NINL: variants seen among roughly 807,000 people sequenced by gnomAD.
NINL encodes the protein ninein-like protein.
Under a neutral mutation model 160.3 loss-of-function variants are expected in NINL, and 153 were observed. The ratio of observed to expected loss-of-function variants is 0.95; its 90% confidence interval spans 0.84 to 1.09. The LOEUF is 1.09. NINL is among the 50% of genes least tolerant of loss of function. The probability of loss-of-function intolerance (pLI) is 0.00; values close to 1 mark genes in which losing one functional copy is unlikely to be tolerated. For synonymous variants in NINL, 800 were observed against 734.8 expected, an observed-to-expected ratio of 1.09 and a Z score of -1.43; for missense variants, 1,829 against 1,764.0, an observed-to-expected ratio of 1.04 and a Z score of -0.66.
intron 1 of NINL, among the ~76,000 whole-genome samples, chr20:25,542,413 T>A (rs576040380): frequency 5.3e-5 from 8 of 151,756 alleles, no homozygotes; most frequent in African/African-American, 1.9e-4. Context: ...ATCATACACA[T>A]CAGAGGAGAC....
chr20:25,453,316 T>C lies in NINL; in HGVS notation c.*135A>G, dbSNP rs2146246051. 2.7e-6 allele frequency: 2 copies of C among 743,062 alleles called. No homozygotes were observed. Among genetic ancestry groups the C allele is most frequent in the South Asian group, 2.2e-5 (1 of 45,700 alleles). 46.0% of individuals were successfully genotyped at this position (743,062 alleles called of 1,614,324 possible). On this transcript the variant is annotated 3_prime_UTR_variant, in exon 24 of 24. Transcript: ENST00000278886. Reference sequence around the variant, plus strand: ...CCCAGGGCAGACCATTCATTAACTATCTGCGGGGTGAACAAAGAATCCCAA... The same window carrying C: ...CCCAGGGCAGACCATTCATTAACTACCTGCGGGGTGAACAAAGAATCCCAA...
chr20:25,472,324 GATATATATAT>G (rs56260321), intron 17 of NINL, among the ~76,000 whole-genome samples: 3,888 of 83,878 alleles, frequency 0.046, 150 homozygotes, highest in African/African-American at 0.093. Flanking sequence ...GGGAGGAGAG[GATATATATAT>G]ATATATATAT....
intron 1 of NINL, among the ~76,000 whole-genome samples, chr20:25,575,723 C>T (rs1009491894): frequency 2.6e-5 from 4 of 151,770 alleles, no homozygotes; most frequent in African/African-American, 7.3e-5. Context: ...CCAGCCTGGG[C>T]GACAGAGCAA....
chr20:25,504,920 G>T lies in NINL; in HGVS notation c.676C>A (p.Gln226Lys). 1.2e-6 allele frequency: 2 copies of T among 1,612,046 alleles called. No individual in the cohort carries two copies. Among genetic ancestry groups the T allele is most frequent in the Non-Finnish European group, 1.7e-6 (2 of 1,179,960 alleles). The change falls in exon 6 of 24, where the codon CAG (glutamine) becomes AAG (lysine). Residue 226 changes from glutamine to lysine, a missense_variant. Physicochemically the swap from Gln to Lys is moderately conservative, Grantham distance 53. Transcript: ENST00000278886. ...TCGAGTCCCTGGAGCCCGACGCTCT[G>T]GCAGACCACAGCCAGCTCCTGCTCG... ...LSEQELAVVC[Q>K]SVGLQGLEKE...
chr20:25,454,048 T>G (rs1424213435), intron 23 of NINL, among the ~76,000 whole-genome samples: 1 of 151,754 alleles, frequency 6.6e-6, no homozygotes, highest in Non-Finnish European at 1.5e-5. Flanking sequence ...AGAGCAAGAC[T>G]CTGTCTCCAA....
intron 1 of NINL, among the ~76,000 whole-genome samples, chr20:25,550,178 C>T (rs1447421067): frequency 1.3e-5 from 2 of 152,186 alleles, no homozygotes; most frequent in Admixed American, 6.5e-5. Flanking sequence ...GCCAGGAGTT[C>T]GGGAACAGCC....
chr20:25,472,855 C>A (rs1446238979), intron 17 of NINL, among the ~76,000 whole-genome samples: 1 of 152,142 alleles, frequency 6.6e-6, no homozygotes, highest in African/African-American at 2.4e-5. Flanking sequence ...TATGCCTATA[C>A]CCACAACATA....
chr20:25,523,110 A>G (rs2064292797), intron 2 of NINL, among the ~76,000 whole-genome samples: 1 of 152,176 alleles, frequency 6.6e-6, no homozygotes, highest in South Asian at 2.1e-4. Flanking sequence ...TAGCCAATAC[A>G]ATGTAAATAC....
At chr20:25,558,794 C>G (rs966766645) in intron 1 of NINL, among the ~76,000 whole-genome samples, 1 of 152,204 alleles carries the variant, frequency 6.6e-6, no homozygotes, top group African/African-American at 2.4e-5. Flanking sequence ...GCACAGAGTA[C>G]CTGATAATAG....
intron 1 of NINL, among the ~76,000 whole-genome samples, chr20:25,559,903 C>CAT (rs2064913860): frequency 6.6e-6 from 1 of 151,774 alleles, no homozygotes; most frequent in Admixed American, 6.6e-5. Context: ...CAGCATGCCC[C>CAT]GCCTTGCATG....
At chr20:25,462,232 C>G (rs1336200513) in intron 20 of NINL, 151 bp downstream of exon 20, 1 of 666,958 alleles carries the variant, frequency 1.5e-6, no homozygotes, top group African/African-American at 1.8e-5. Flanking sequence ...TTTGCCAACA[C>G]AGCACAGTCC....
chr20:25,489,893 C>T lies in NINL; in HGVS notation c.1578G>A (p.Glu526=), dbSNP rs750680441. 5 of 1,614,172 alleles carry T rather than the reference C, an allele frequency of 3.1e-6. No individual in the cohort carries two copies. In the East Asian group the frequency reaches 1.1e-4, roughly 36 times the overall value. The change falls in exon 12 of 24, where the codon GAG becomes GAA. Residue 526 remains glutamate (E), a synonymous_variant. Coordinates refer to ENST00000278886, the MANE Select transcript of NINL (RefSeq NM_025176.6). The part of the protein sequence containing the change: ...RLALKLQKDL[E]FVLKDKLEPQ... ...GACTCGCCTTGTCCTTCAGCACAAA[C>T]TCCAGGTCCTTCTGCAGCTTCAGGG...
chr20:25,468,564 C>G (rs1247452332), intron 18 of NINL, among the ~76,000 whole-genome samples: 472 of 118,406 alleles, frequency 4.0e-3, no homozygotes, highest in African/African-American at 0.015. Context: ...GGTGCGCACC[C>G]CCCTGCCCTG....
intron 13 of NINL, among the ~76,000 whole-genome samples, chr20:25,486,588 G>A (rs958080149): frequency 6.6e-5 from 10 of 151,598 alleles, no homozygotes; most frequent in South Asian, 2.1e-4. Context: ...CACACCAGTC[G>A]AGGCAGAAGG....
At chr20:25,531,970 G>A (rs1462704757) in intron 1 of NINL, among the ~76,000 whole-genome samples, 1 of 152,166 alleles carries the variant, frequency 6.6e-6, no homozygotes, top group African/African-American at 2.4e-5. Context: ...CTTTCTCAGG[G>A]GCATCTTTCC....
intron 19 of NINL, among the ~76,000 whole-genome samples, chr20:25,467,096 G>A (rs1023340520): frequency 1.3e-5 from 2 of 152,222 alleles, no homozygotes; most frequent in African/African-American, 4.8e-5. Flanking sequence ...GCTGCTCACA[G>A]TTTCTAGATC....
chr20:25,510,607 C>G (rs2064049819), intron 5 of NINL, 67 bp downstream of exon 5: 9 of 1,402,556 alleles, frequency 6.4e-6, no homozygotes, highest in Non-Finnish European at 9.1e-6. Flanking sequence ...GCCCAATGAC[C>G]CGGCTGTTCA....
rs762165785 is a variant in NINL, at chr20:25,458,589, C to A, written c.3697-60G>T. ...TGCTGAGACGCGGCACAGAGGAGCA[C>A]CCTCTCCATCCAAGGACACCCCCAC... On this transcript the variant is annotated intron_variant, in intron 21 of 23. Coordinates refer to ENST00000278886, the MANE Select transcript of NINL (RefSeq NM_025176.6). 1.0e-5 allele frequency: 15 copies of A among 1,456,004 alleles called. 1 individual carries two copies. The South Asian group carries it at 1.9e-4, about 19-fold the overall frequency. The allele number at this position is 1,456,004 out of a possible 1,614,324, so 90.2% of individuals were successfully genotyped here. A position where few individuals can be genotyped will look rare whatever the true frequency, so the allele number is the denominator to read the frequency against.
At chr20:25,562,907 C>T (rs2064960626) in intron 1 of NINL, among the ~76,000 whole-genome samples, 1 of 152,200 alleles carries the variant, frequency 6.6e-6, no homozygotes, top group African/African-American at 2.4e-5. Flanking sequence ...ATGGCTCACA[C>T]CTGTAATCCC....
Sources: allele counts gnomAD v4.1 joint callset (sites outside exome capture counted in the v4.1 genomes callset), GRCh38; gene constraint gnomAD v4.1.1; transcripts MANE v1.5; gene names NCBI Gene and HGNC (gene_info 2026-07-23, HGNC 2026-07-21).